The following LMNA variants were observed in gnomAD, a reference collection of about 807,000 sequenced individuals.
The protein encoded by LMNA is lamin A/C, also known as lamin.
LMNA carries 20 observed loss-of-function variants against 70.4 expected under a neutral mutation model. The ratio of observed to expected loss-of-function variants is 0.28; its 90% CI spans 0.20 to 0.41. The LOEUF is 0.41. Among genes scored for constraint, LMNA ranks in the 10% least tolerant of loss-of-function variants. LMNA has a pLI of 1.00. For missense variants in LMNA, 652 were observed against 917.2 expected, an observed-to-expected ratio of 0.71 and a Z score of 3.73; for synonymous variants, 339 against 372.8, an observed-to-expected ratio of 0.91 and a Z score of 1.04.
chr1:156,129,132 G>A (rs921994456), intron 1 of LMNA, among the ~76,000 whole-genome samples: 4 of 152,232 alleles, frequency 2.6e-5, no homozygotes, highest in Non-Finnish European at 5.9e-5. Flanking sequence ...TTCTGGAAGG[G>A]GCTCTTTTTT....
chr1:156,097,819 G>A (rs1648994067), intron 3 of LMNA, among the ~76,000 whole-genome samples: 1 of 152,244 alleles, frequency 6.6e-6, no homozygotes, highest in Non-Finnish European at 1.5e-5. Flanking sequence ...TGGGCAGCCA[G>A]CCTACCTCTC....
In LMNA at chr1:156,139,813, A is replaced by C. The variant is rs1038556505; in HGVS notation, c.*707A>C. On this transcript the variant is annotated 3_prime_UTR_variant, in exon 12 of 12. Coordinates refer to ENST00000368300, the MANE Select transcript of LMNA (RefSeq NM_170707.4). ...GTGGGAGGTGGAAGAAGGGAGAAGA[A>C]AGGTGAGTTTGAGCTGCCTTCCCTA... 14 of 1,531,328 alleles carry C rather than the reference A, an allele frequency of 9.1e-6. No individual in the cohort carries two copies. Among genetic ancestry groups the C allele is most frequent in the Non-Finnish European group, 1.2e-5 (14 of 1,144,848 alleles). 94.9% of individuals were successfully genotyped at this position (1,531,328 alleles called of 1,614,324 possible). A position where few individuals can be genotyped will look rare whatever the true frequency, so the allele number is the denominator to read the frequency against.
Position 156,135,175 on chromosome 1 carries a change from C to G in LMNA, c.811-12C>G. On this transcript the variant is annotated splice_polypyrimidine_tract_variant and intron_variant, in intron 4 of 11. Transcript: ENST00000368300. The surrounding 1 kb of genome is among the most constrained non-coding windows in gnomAD (Gnocchi z 4.8). Reference sequence around the variant, plus strand: ...AGTCACCACAGTCCTAACCCTTTGTCCTCCCCTCCAGCTGGACAATGCCAG... The same window carrying G: ...AGTCACCACAGTCCTAACCCTTTGTGCTCCCCTCCAGCTGGACAATGCCAG... 6.2e-7 allele frequency: 1 copy of G among 1,614,034 alleles called. No homozygotes were observed. Among genetic ancestry groups the G allele is most frequent in the Non-Finnish European group, 8.5e-7 (1 of 1,180,032 alleles).
rs1651915160 is a variant in LMNA at position 156,139,209 on chromosome 1, A to G, written c.*103A>G. ...CGTCATGGGAGGGGGCTTGAAGCCA[A>G]AGAAAAATAACCCTTTGGTTTTTTT... On this transcript the variant is annotated 3_prime_UTR_variant, in exon 12 of 12. Coordinates refer to ENST00000368300, the MANE Select transcript of LMNA (RefSeq NM_170707.4). The G allele has an allele frequency of 6.4e-7, 1 of 1,573,970 alleles. No individual in the cohort carries two copies. The highest frequency in any genetic ancestry group is 8.6e-7 in the Non-Finnish European group (1 of 1,166,256).
At chr1:156,087,046 C>T (rs981446360) in intron 2 of LMNA, among the ~76,000 whole-genome samples, 1 of 152,128 alleles carries the variant, frequency 6.6e-6, no homozygotes. Context: ...CTTGCCCCTC[C>T]TTAGCCCTAT....
rs1374989626 is a variant in LMNA, at chr1:156,134,616, C to T, written c.639+88C>T. On this transcript the variant is annotated intron_variant, in intron 3 of 11. Transcript: ENST00000368300. The surrounding 1 kb of genome is among the most constrained non-coding windows in gnomAD (Gnocchi z 5.3). ...TAGGGGGGACCAGCTGTGTGCAGAG[C>T]TCGCCTTCCTGAGTCCCTTGCCCTA... The T allele has an allele frequency of 1.3e-6, 2 of 1,590,282 alleles. No homozygotes were observed. Among genetic ancestry groups the T allele is most frequent in the South Asian group, 1.1e-5 (1 of 89,838 alleles).
Position 156,139,934 on chromosome 1 carries a change from G to T in LMNA, c.*828G>T. 3 of 1,175,364 alleles carry T rather than the reference G, an allele frequency of 2.6e-6. No homozygotes were observed. Among genetic ancestry groups the T allele is most frequent in the Non-Finnish European group, 3.4e-6 (3 of 870,398 alleles). The allele number at this position is 1,175,364 out of a possible 1,614,324, so 72.8% of individuals were successfully genotyped here. A position where few individuals can be genotyped will look rare whatever the true frequency, so the allele number is the denominator to read the frequency against. ...GAGGGAGGTCACTGGAAAGGGGAGA[G>T]CCTGCTGGCACCCACCGTGGAGGAG... On this transcript the variant is annotated 3_prime_UTR_variant, in exon 12 of 12. Coordinates refer to ENST00000368300, the MANE Select transcript of LMNA (RefSeq NM_170707.4).
chr1:156,088,811 G>A (rs1037787893), intron 2 of LMNA, among the ~76,000 whole-genome samples: 31 of 151,990 alleles, frequency 2.0e-4, no homozygotes, highest in Admixed American at 8.5e-4. Flanking sequence ...CACCACAACT[G>A]GCTACTTGTT....
At chr1:156,124,629 A>C (rs961346640) in intron 1 of LMNA, among the ~76,000 whole-genome samples, 3 of 151,986 alleles carry the variant, frequency 2.0e-5, no homozygotes, top group Non-Finnish European at 4.4e-5. Context: ...GAGGGATAGC[A>C]CCTCAAATGC....
chr1:156,103,692 A>G lies in LMNA; in HGVS notation c.-206-11021A>G, dbSNP rs913132520. Reference sequence around the variant, plus strand: ...TCCCAGTTTCTGACTAATCCTTTCCATCGGCAGTGGCATGTCCTGCCCCTG... The same window carrying G: ...TCCCAGTTTCTGACTAATCCTTTCCGTCGGCAGTGGCATGTCCTGCCCCTG... On this transcript the variant is annotated intron_variant, in intron 3 of 12. Transcript: ENST00000368301. This position sits in a 1 kb window ranked among gnomAD's most constrained non-coding sequence, Gnocchi z 4.7. 6.6e-6 allele frequency among the ~76,000 whole-genome samples: 1 copy of G among 151,972 alleles called. No homozygotes were observed. Among genetic ancestry groups the G allele is most frequent in the African/African-American group, 2.4e-5 (1 of 41,354 alleles).
chr1:156,100,896 ATAC>A (rs1243656060), intron 3 of LMNA, among the ~76,000 whole-genome samples: 1 of 152,174 alleles, frequency 6.6e-6, no homozygotes, highest in African/African-American at 2.4e-5. Context: ...GTGACAAGGG[ATAC>A]TGGTGGCGAG....
Position 156,131,943 on chromosome 1 carries a change from G to A in LMNA, c.513+1170G>A, listed in dbSNP as rs575880502. 1.3e-4 allele frequency among the ~76,000 whole-genome samples: 20 copies of A among 152,362 alleles called. No homozygotes were observed. The East Asian group carries it at 3.9e-3, about 29-fold the overall frequency. On this transcript the variant is annotated intron_variant, in intron 2 of 11. Coordinates refer to ENST00000368300, the MANE Select transcript of LMNA (RefSeq NM_170707.4). ...CCAGCACTTTGGGAGGCCAAGGCGG[G>A]TGGATCATTTGAGGTCAGGAGTTTG...
chr1:156,138,745 C>T lies in LMNA; in HGVS notation c.1956C>T (p.Ser652=), dbSNP rs1233731407. 1 of 1,613,458 alleles carries T rather than the reference C, an allele frequency of 6.2e-7. No individual in the cohort carries two copies. The highest frequency in any genetic ancestry group is 8.5e-7 in the Non-Finnish European group (1 of 1,180,008). ...VTRSYLLGNS[S]PRTQSPQNCS... ...GCTCCTACCTCCTGGGCAACTCCAG[C>T]CCCCGAACCCAGGTGAGTTGTCTCT... Residue 652 remains serine, a synonymous_variant, in exon 11 of 12, where the codon AGC becomes AGT. Transcript: ENST00000368300. This position sits in a 1 kb window ranked among gnomAD's most constrained non-coding sequence, Gnocchi z 5.5.
At chr1:156,091,269 T>C (rs1648686415) in intron 3 of LMNA, among the ~76,000 whole-genome samples, 3 of 152,190 alleles carry the variant, frequency 2.0e-5, no homozygotes, top group African/African-American at 7.2e-5. Context: ...GACCTGGGTC[T>C]GAAGGGAAAT....
intron 1 of LMNA, among the ~76,000 whole-genome samples, chr1:156,119,501 G>T (rs1650052137): frequency 1.3e-5 from 2 of 152,152 alleles, no homozygotes; most frequent in African/African-American, 4.8e-5. Flanking sequence ...TAATCCACCT[G>T]CCTTGGCCTT....
Position 156,135,451 on chromosome 1 carries a change from G to A in LMNA, c.936+139G>A. The A allele has an allele frequency of 8.9e-7, 1 of 1,119,918 alleles. No individual in the cohort carries two copies. Among genetic ancestry groups the A allele is most frequent in the South Asian group, 1.3e-5 (1 of 74,996 alleles). 69.4% of individuals were successfully genotyped at this position (1,119,918 alleles called of 1,614,324 possible). On this transcript the variant is annotated intron_variant, in intron 5 of 11. Transcript: ENST00000368300. The surrounding 1 kb of genome is among the most constrained non-coding windows in gnomAD (Gnocchi z 4.8). ...GATGAAAAGTGTCCCCACAACCACA[G>A]AGAAGGGTCGCAGGATGTGGAGTCA... is the stretch of plus-strand genomic sequence containing the variant.
Position 156,138,899 on chromosome 1 carries a change from A to G in LMNA, c.1968+142A>G. 7.6e-7 allele frequency: 1 copy of G among 1,314,238 alleles called. No individual in the cohort carries two copies. Among genetic ancestry groups the G allele is most frequent in the Non-Finnish European group, 1.1e-6 (1 of 925,550 alleles). 81.4% of individuals were successfully genotyped at this position (1,314,238 alleles called of 1,614,324 possible). ...GTGGGAGCCTCCTCCCCACAGCCTG[A>G]GTCCTAGACAGCCCACCTCTGCATC... is the stretch of plus-strand genomic sequence containing the variant. On this transcript the variant is annotated intron_variant, in intron 11 of 11. Transcript: ENST00000368300. This position sits in a 1 kb window ranked among gnomAD's most constrained non-coding sequence, Gnocchi z 5.5.
In LMNA at chr1:156,139,228, T is replaced by G; in HGVS notation, c.*122T>G. ...AAGCCAAAGAAAAATAACCCTTTGG[T>G]TTTTTTCTTCTGTATTTTTTTTTCT... On this transcript the variant is annotated 3_prime_UTR_variant, in exon 12 of 12. Coordinates refer to ENST00000368300, the MANE Select transcript of LMNA (RefSeq NM_170707.4). The G allele has an allele frequency of 6.6e-7, 1 of 1,520,292 alleles. No homozygotes were observed. The allele number at this position is 1,520,292 out of a possible 1,614,324, so 94.2% of individuals were successfully genotyped here. A position where few individuals can be genotyped will look rare whatever the true frequency, so the allele number is the denominator to read the frequency against.
chr1:156,114,380 T>G (rs1448470382), upstream of LMNA, among the ~76,000 whole-genome samples: 1 of 152,084 alleles, frequency 6.6e-6, no homozygotes, highest in African/African-American at 2.4e-5. Context: ...TTGCGCCCAC[T>G]TCCCTCTCTT....
Sources: allele counts gnomAD v4.1 joint callset (sites outside exome capture counted in the v4.1 genomes callset), GRCh38; gene constraint gnomAD v4.1.1; non-coding constraint Gnocchi (gnomAD v3.1); transcripts MANE v1.5; gene names NCBI Gene and HGNC (gene_info 2026-07-23, HGNC 2026-07-21).